Variants in NTNG1 observed in about 807,000 individuals in gnomAD.
NTNG1 encodes netrin G1.
NTNG1 carries 16 observed loss-of-function variants against 54.0 expected under a neutral mutation model. The observed-to-expected ratio is 0.30, with a 90% CI of 0.20 to 0.45. The LOEUF (loss-of-function observed/expected upper bound fraction) is 0.45, where lower values mean the gene tolerates loss of function less well. Ranked by LOEUF, NTNG1 falls within the 20% of genes least tolerant of loss-of-function variation. The pLI, the probability that NTNG1 is intolerant of heterozygous loss-of-function variation, is 1.00. For missense variants in NTNG1, 530 were observed against 678.7 expected (o/e 0.78, Z 2.43); for synonymous variants, 255 against 263.1 (o/e 0.97, Z 0.30).
chr1:107,248,658 A>G (rs1309016196), intron 2 of NTNG1, among the ~76,000 whole-genome samples: 1 of 152,188 alleles, frequency 6.6e-6, no homozygotes. Flanking sequence ...CGGTTACTAT[A>G]CAACTTTCTT....
At chr1:107,352,901 C>T (rs932593939) in intron 3 of NTNG1, among the ~76,000 whole-genome samples, 1 of 152,176 alleles carries the variant, frequency 6.6e-6, no homozygotes, top group Non-Finnish European at 1.5e-5. Context: ...CCCTTTGAGC[C>T]ACAACTGGAG....
rs532158426 is a variant in NTNG1, at chr1:107,372,351, T to C, written c.888-22803T>C. ...TCCTCCCTAAGTACTGTTTTAGTAC[T>C]GTTTCAAAAATTTTGATTTATTTTG... On this transcript the variant is annotated intron_variant, in intron 3 of 7. Coordinates refer to ENST00000370068, the MANE Select transcript of NTNG1 (RefSeq NM_001113226.3). Among the ~76,000 whole-genome samples, 6 of 152,126 alleles carry C rather than the reference T, an allele frequency of 3.9e-5. 1 individual carries two copies. The South Asian group carries it at 1.2e-3, about 32-fold the overall frequency.
At chr1:107,395,664 A>G (rs1487413793) in intron 4 of NTNG1, among the ~76,000 whole-genome samples, 1 of 152,172 alleles carries the variant, frequency 6.6e-6, no homozygotes, top group African/African-American at 2.4e-5. Flanking sequence ...GTAAACTCTC[A>G]ATCCTAATTT....
intron 5 of NTNG1, among the ~76,000 whole-genome samples, chr1:107,420,922 T>C (rs1205429541): frequency 6.6e-6 from 1 of 152,026 alleles, no homozygotes; most frequent in Non-Finnish European, 1.5e-5. Flanking sequence ...TTCAGCCAAA[T>C]ACAAGCCTTA....
intron 3 of NTNG1, among the ~76,000 whole-genome samples, chr1:107,353,342 T>C (rs1669742884): frequency 6.6e-6 from 1 of 152,152 alleles, no homozygotes; most frequent in Non-Finnish European, 1.5e-5. Context: ...TTTTGCCAGA[T>C]ACCCTAAATC....
chr1:107,355,590 CA>C (rs1366402837), intron 3 of NTNG1, among the ~76,000 whole-genome samples: 1 of 151,982 alleles, frequency 6.6e-6, no homozygotes, highest in Non-Finnish European at 1.5e-5. Flanking sequence ...CATTTTTAAC[CA>C]CTACTTAGAG....
intron 2 of NTNG1, among the ~76,000 whole-genome samples, chr1:107,278,353 T>C (rs1664613910): frequency 6.6e-6 from 1 of 152,222 alleles, no homozygotes; most frequent in Non-Finnish European, 1.5e-5. Context: ...CTCTCTTACA[T>C]GTTGTCTTTT....
intron 3 of NTNG1, among the ~76,000 whole-genome samples, chr1:107,359,615 C>T (rs931947449): frequency 2.6e-5 from 4 of 151,988 alleles, no homozygotes; most frequent in African/African-American, 7.2e-5. Flanking sequence ...TTGGCAAGCT[C>T]CCCCACCCCC....
At chr1:107,370,328 G>T (rs1415129768) in intron 3 of NTNG1, among the ~76,000 whole-genome samples, 2 of 151,228 alleles carry the variant, frequency 1.3e-5, no homozygotes, top group African/African-American at 4.9e-5. Context: ...AGTTTAGGGA[G>T]AATTGTCATT....
At chr1:107,384,055 A>C (rs1671807018) in intron 3 of NTNG1, among the ~76,000 whole-genome samples, 1 of 152,152 alleles carries the variant, frequency 6.6e-6, no homozygotes, top group African/African-American at 2.4e-5. Flanking sequence ...TTTATCCTTC[A>C]GCACTCCTTA....
chr1:107,243,977 G>A (rs1461901494), intron 2 of NTNG1, among the ~76,000 whole-genome samples: 1 of 152,106 alleles, frequency 6.6e-6, no homozygotes, highest in Non-Finnish European at 1.5e-5. Flanking sequence ...ATTTTGACAT[G>A]AAAAATGAAA....
At chr1:107,370,261 T>G (rs1389301802) in intron 3 of NTNG1, among the ~76,000 whole-genome samples, 1 of 149,744 alleles carries the variant, frequency 6.7e-6, no homozygotes. Flanking sequence ...AAAAAAAAGC[T>G]GCTGAGCTTT....
At chr1:107,226,211 G>A in intron 2 of NTNG1, among the ~76,000 whole-genome samples, 1 of 152,072 alleles carries the variant, frequency 6.6e-6, no homozygotes, top group Non-Finnish European at 1.5e-5. Flanking sequence ...AACAACAACA[G>A]AACCCCCATG....
intron 2 of NTNG1, among the ~76,000 whole-genome samples, chr1:107,231,515 T>C (rs1378545239): frequency 6.6e-6 from 1 of 152,216 alleles, no homozygotes; most frequent in Non-Finnish European, 1.5e-5. Context: ...ATTTTGGGGC[T>C]AATTCATCTC....
At chr1:107,393,617 C>G (rs570583335) in intron 3 of NTNG1, among the ~76,000 whole-genome samples, 1 of 151,980 alleles carries the variant, frequency 6.6e-6, no homozygotes, top group African/African-American at 2.4e-5. Flanking sequence ...AATAGACCCC[C>G]GAGAAAGCTG....
intron 2 of NTNG1, among the ~76,000 whole-genome samples, chr1:107,151,376 G>C (rs182138751): frequency 6.6e-6 from 1 of 152,060 alleles, no homozygotes; most frequent in Non-Finnish European, 1.5e-5. Context: ...AGGGTGTAAT[G>C]GGGATTCATA....
At chr1:107,182,183 A>G (rs1657122200) in intron 2 of NTNG1, among the ~76,000 whole-genome samples, 1 of 152,168 alleles carries the variant, frequency 6.6e-6, no homozygotes, top group African/African-American at 2.4e-5. Context: ...GCAAGAGAAG[A>G]CATTTATGAT....
Position 107,484,747 on chromosome 1 carries a change from G to T in NTNG1, c.*3907G>T, listed in dbSNP as rs768207778. Among the ~76,000 whole-genome samples, 1 of 152,144 alleles carries T rather than the reference G, an allele frequency of 6.6e-6. No individual in the cohort carries two copies. ...AGGAAATCTTGACATCGAATATTTTGTTCCATCTCCTTCACCCTCTACCAT... is the reference window on the plus strand; with the variant it reads ...AGGAAATCTTGACATCGAATATTTTTTTCCATCTCCTTCACCCTCTACCAT... On this transcript the variant is annotated 3_prime_UTR_variant, in exon 8 of 8. Transcript: ENST00000370068.
chr1:107,444,678 T>C (rs1335294848), intron 7 of NTNG1, among the ~76,000 whole-genome samples: 1 of 152,090 alleles, frequency 6.6e-6, no homozygotes, highest in African/African-American at 2.4e-5. Flanking sequence ...GAGAAGGACA[T>C]GTATGCTCAA....
Sources: gnomAD v4.1 joint callset for allele counts (sites outside exome capture counted in the v4.1 genomes callset) on GRCh38, gnomAD v4.1.1 for gene constraint, MANE v1.5 for transcripts, NCBI Gene and HGNC (gene_info 2026-07-23, HGNC 2026-07-21) for gene names.